COL21A1: variants seen among roughly 807,000 people sequenced by gnomAD.
COL21A1 encodes collagen type XXI alpha 1 chain, also known as collagen alpha-1(XXI) chain.
COL21A1 carries 149 observed loss-of-function variants against 137.9 expected under a neutral mutation model. The observed-to-expected ratio is 1.08, with a 90% confidence interval of 0.95 to 1.24. COL21A1 has a LOEUF of 1.24. Ranked by LOEUF, COL21A1 falls within the 50% of genes most tolerant of loss-of-function variation. COL21A1 has a pLI of 0.00. For missense variants in COL21A1, 1,167 were observed against 1,158.4 expected (o/e 1.01, Z -0.11); for synonymous variants, 456 against 391.5 (o/e 1.16, Z -1.95).
chr6:56,117,939 T>G (rs1458345571), intron 16 of COL21A1, among the ~76,000 whole-genome samples: 1 of 151,836 alleles, frequency 6.6e-6, no homozygotes, highest in African/African-American at 2.4e-5. Flanking sequence ...AAAACAGTAG[T>G]AAGATGGAAG....
intron 1 of COL21A1, among the ~76,000 whole-genome samples, chr6:56,225,526 T>C (rs1781131175): frequency 6.6e-6 from 1 of 152,046 alleles, no homozygotes; most frequent in African/African-American, 2.4e-5. Flanking sequence ...AGAGACCTGG[T>C]ATTTGGCTGC....
At chr6:56,225,549 A>G (rs1451293444) in intron 1 of COL21A1, among the ~76,000 whole-genome samples, 2 of 152,044 alleles carry the variant, frequency 1.3e-5, no homozygotes, top group African/African-American at 4.8e-5. Context: ...ACAGGTTGCC[A>G]CTTGGGCAAA....
chr6:56,351,341 AG>A (rs1765707052), intron 1 of COL21A1, among the ~76,000 whole-genome samples: 1 of 152,150 alleles, frequency 6.6e-6, no homozygotes, highest in Non-Finnish European at 1.5e-5. Context: ...GAGTACGGGG[AG>A]GGGGAATTTC....
At chr6:56,123,867 A>G (rs1445237548) in intron 16 of COL21A1, among the ~76,000 whole-genome samples, 195 bp downstream of exon 16, 27 of 152,230 alleles carry the variant, frequency 1.8e-4, no homozygotes, top group Admixed American at 1.8e-3. Context: ...TTCACTTCTG[A>G]CACCTAAGAG....
At chr6:56,298,693 C>T (rs1764214652) in intron 1 of COL21A1, among the ~76,000 whole-genome samples, 1 of 152,052 alleles carries the variant, frequency 6.6e-6, no homozygotes, top group Non-Finnish European at 1.5e-5. Context: ...AAACAGGTGA[C>T]TTATGGGAAG....
intron 1 of COL21A1, among the ~76,000 whole-genome samples, chr6:56,255,732 A>C (rs1314629462): frequency 6.6e-6 from 1 of 152,190 alleles, no homozygotes; most frequent in African/African-American, 2.4e-5. Context: ...TGTGTATCTG[A>C]AAGATGTGGC....
At chr6:56,079,316 C>T (rs536971858) in intron 17 of COL21A1, among the ~76,000 whole-genome samples, 9 of 151,638 alleles carry the variant, frequency 5.9e-5, no homozygotes, top group Non-Finnish European at 8.9e-5. Context: ...ATGTGATTAC[C>T]GATGACAGTG....
chr6:56,111,252 A>G (rs1771408800), intron 16 of COL21A1, among the ~76,000 whole-genome samples: 1 of 152,176 alleles, frequency 6.6e-6, no homozygotes, highest in African/African-American at 2.4e-5. Flanking sequence ...ATACTCTTCA[A>G]AACCATCAAA....
At chr6:56,145,782 T>C (rs534972269) in intron 10 of COL21A1, among the ~76,000 whole-genome samples, 63 of 152,164 alleles carry the variant, frequency 4.1e-4, no homozygotes, top group Admixed American at 9.8e-4. Context: ...ATATCCACCC[T>C]ACCCCCATCT....
intron 1 of COL21A1, among the ~76,000 whole-genome samples, chr6:56,349,890 G>A (rs1193289927): frequency 6.6e-6 from 1 of 152,112 alleles, no homozygotes; most frequent in African/African-American, 2.4e-5. Context: ...CAGCCTGATG[G>A]GGGCCTGGGA....
intron 7 of COL21A1, among the ~76,000 whole-genome samples, chr6:56,166,418 T>C (rs1776583725): frequency 6.6e-6 from 1 of 151,966 alleles, no homozygotes; most frequent in African/African-American, 2.4e-5. Flanking sequence ...TTAGAGGGCT[T>C]AGGCCGGCGA....
At chr6:56,288,995 T>C (rs1763977824) in intron 1 of COL21A1, among the ~76,000 whole-genome samples, 1 of 152,232 alleles carries the variant, frequency 6.6e-6, no homozygotes, top group Non-Finnish European at 1.5e-5. Context: ...TCCTAAGCTA[T>C]GTAAAATTGC....
At chr6:56,301,539 C>A (rs2152337404) in intron 1 of COL21A1, among the ~76,000 whole-genome samples, 1 of 152,126 alleles carries the variant, frequency 6.6e-6, no homozygotes, top group East Asian at 1.9e-4. Flanking sequence ...AGAGCAGGAA[C>A]AAGAAACATA....
chr6:56,328,799 G>A (rs1033261408), intron 1 of COL21A1, among the ~76,000 whole-genome samples: 28 of 152,020 alleles, frequency 1.8e-4, no homozygotes, highest in Admixed American at 1.8e-3. Context: ...TAGCAGACAG[G>A]GAGAAAAATA....
In COL21A1 at chr6:56,146,336, T is replaced by A. The variant is rs185720616; in HGVS notation, c.1435-4353A>T. On this transcript the variant is annotated intron_variant, in intron 10 of 29. Transcript: ENST00000244728. Reference sequence around the variant, plus strand: ...CAAAACCAAGTGTGTATTTTTAATGTCCACTGTGGAATCTTCTAGTTGTTG... The same window carrying A: ...CAAAACCAAGTGTGTATTTTTAATGACCACTGTGGAATCTTCTAGTTGTTG... Among the ~76,000 whole-genome samples the A allele has an allele frequency of 2.0e-5, 3 of 152,302 alleles. No homozygotes were observed. In the East Asian group the frequency reaches 5.8e-4, roughly 29 times the overall value.
chr6:56,078,916 A>G (rs1293298415), intron 17 of COL21A1, among the ~76,000 whole-genome samples: 2 of 151,730 alleles, frequency 1.3e-5, no homozygotes, highest in Non-Finnish European at 3.0e-5. Flanking sequence ...AAGTAACAAT[A>G]TAAAACACAA....
intron 1 of COL21A1, among the ~76,000 whole-genome samples, chr6:56,352,811 G>A (rs551874224): frequency 3.3e-5 from 5 of 152,244 alleles, no homozygotes; most frequent in African/African-American, 9.6e-5. Flanking sequence ...AGGCCAAGGC[G>A]GGCAAATCAG....
chr6:56,186,257 A>T (rs1778290298), intron 1 of COL21A1, among the ~76,000 whole-genome samples: 1 of 152,198 alleles, frequency 6.6e-6, no homozygotes, highest in Non-Finnish European at 1.5e-5. Flanking sequence ...TCACATGAAC[A>T]TCTCAATTTA....
chr6:56,326,711 T>C (rs1046941040), intron 1 of COL21A1, among the ~76,000 whole-genome samples: 1 of 152,058 alleles, frequency 6.6e-6, no homozygotes, highest in Non-Finnish European at 1.5e-5. Flanking sequence ...AAAGTGACCA[T>C]TTTGATTAGG....
Sources: allele counts gnomAD v4.1 joint callset (sites outside exome capture counted in the v4.1 genomes callset), GRCh38; gene constraint gnomAD v4.1.1; transcripts MANE v1.5; gene names NCBI Gene and HGNC (gene_info 2026-07-23, HGNC 2026-07-21).